Variants in RUNX1 observed in about 807,000 individuals in gnomAD.
RUNX1 encodes RUNX family transcription factor 1, also known as runt-related transcription factor 1.
In RUNX1, 19 loss-of-function variants were observed where a neutral mutation model predicts 42.8. The ratio of observed to expected loss-of-function variants is 0.44; its 90% CI spans 0.31 to 0.65. The LOEUF (loss-of-function observed/expected upper bound fraction) is 0.65, where lower values mean the gene tolerates loss of function less well. RUNX1 is among the 30% of genes least tolerant of loss of function. RUNX1 has a pLI of 0.07. For synonymous variants in RUNX1, 271 were observed against 289.4 expected, an observed-to-expected ratio of 0.94 and a Z score of 0.64; for missense variants, 528 against 672.0, an observed-to-expected ratio of 0.79 and a Z score of 2.37.
intron 2 of RUNX1, among the ~76,000 whole-genome samples, chr21:34,964,069 G>A (rs372925739): frequency 6.6e-6 from 1 of 152,188 alleles, no homozygotes; most frequent in South Asian, 2.1e-4. Flanking sequence ...CAGCCACTGC[G>A]ATAAGGGTCT....
intron 2 of RUNX1, among the ~76,000 whole-genome samples, chr21:34,971,286 C>G (rs1332078110): frequency 1.3e-5 from 2 of 152,094 alleles, no homozygotes; most frequent in Non-Finnish European, 2.9e-5. Flanking sequence ...AAAGATATAG[C>G]ATGTAACTTA....
At chr21:34,887,270 G>A (rs999236176) in intron 3 of RUNX1, 174 bp from the exon 4 acceptor site, 6 of 1,415,112 alleles carry the variant, frequency 4.2e-6, no homozygotes, top group Non-Finnish European at 5.6e-6. Context: ...GTTAGGGGAG[G>A]AGGGAGACTA....
intron 2 of RUNX1, among the ~76,000 whole-genome samples, chr21:34,973,712 C>A (rs1693852751): frequency 6.6e-6 from 1 of 152,184 alleles, no homozygotes; most frequent in Admixed American, 6.5e-5. Context: ...TTATATTAAA[C>A]CTTATTCCCA....
chr21:34,914,885 A>T (rs1362016647), intron 2 of RUNX1, among the ~76,000 whole-genome samples: 1 of 152,214 alleles, frequency 6.6e-6, no homozygotes, highest in East Asian at 1.9e-4. Flanking sequence ...CATTCATTGC[A>T]TGTCCTTCAA....
At chr21:34,854,910 T>C (rs970748582) in intron 6 of RUNX1, among the ~76,000 whole-genome samples, 3 of 152,290 alleles carry the variant, frequency 2.0e-5, no homozygotes, top group East Asian at 3.9e-4. Context: ...GGGTTACACC[T>C]TTCCAAAATT....
At chr21:34,950,301 A>C (rs2146665955) in intron 2 of RUNX1, among the ~76,000 whole-genome samples, 1 of 152,368 alleles carries the variant, frequency 6.6e-6, no homozygotes, top group Non-Finnish European at 1.5e-5. Flanking sequence ...AAATTATATT[A>C]TAAATAACAG....
At chr21:35,040,114 A>G (rs1362441666) in intron 2 of RUNX1, among the ~76,000 whole-genome samples, 1 of 152,218 alleles carries the variant, frequency 6.6e-6, no homozygotes, top group African/African-American at 2.4e-5. Flanking sequence ...TATGAATTCT[A>G]TACTTTCAAA....
chr21:34,849,481 TTA>T (rs558628264), intron 6 of RUNX1, among the ~76,000 whole-genome samples: 8 of 97,414 alleles, frequency 8.2e-5, no homozygotes, highest in African/African-American at 2.4e-4. Flanking sequence ...ATAATATATA[TTA>T]TATATATATA....
chr21:35,029,998 C>T (rs538018719), intron 2 of RUNX1, among the ~76,000 whole-genome samples: 2 of 152,330 alleles, frequency 1.3e-5, no homozygotes, highest in Admixed American at 6.5e-5. Context: ...TGTCTCCAGA[C>T]AGTGCCAAAT....
At chr21:34,991,573 A>G (rs1601644210) in intron 2 of RUNX1, among the ~76,000 whole-genome samples, 2 of 141,592 alleles carry the variant, frequency 1.4e-5, no homozygotes, top group Non-Finnish European at 3.1e-5. Flanking sequence ...GATGATGATG[A>G]TGGTGATGAT....
intron 2 of RUNX1, among the ~76,000 whole-genome samples, chr21:34,948,237 G>C (rs2058580177): frequency 1.3e-5 from 2 of 151,936 alleles, no homozygotes; most frequent in Non-Finnish European, 2.9e-5. Context: ...AATAGCAACG[G>C]CAACACCTCT....
intron 6 of RUNX1, among the ~76,000 whole-genome samples, chr21:34,841,583 G>A (rs1373372376): frequency 2.6e-5 from 4 of 152,140 alleles, no homozygotes; most frequent in Non-Finnish European, 5.9e-5. Context: ...CCTCCTACTT[G>A]AAACTAGAAG....
chr21:34,797,947 G>T (rs893663518), intron 8 of RUNX1: 2 of 447,214 alleles, frequency 4.5e-6, no homozygotes. Flanking sequence ...AATATTCTCC[G>T]ATGCTCAGGA....
At chr21:35,043,631 T>C (rs1188118826) in intron 2 of RUNX1, among the ~76,000 whole-genome samples, 1 of 152,222 alleles carries the variant, frequency 6.6e-6, no homozygotes, top group Non-Finnish European at 1.5e-5. Context: ...AACTTGGTAA[T>C]TTAGATGCAA....
chr21:35,001,490 A>G (rs2059043548), intron 2 of RUNX1, among the ~76,000 whole-genome samples: 1 of 152,150 alleles, frequency 6.6e-6, no homozygotes, highest in South Asian at 2.1e-4. Flanking sequence ...TAGGAGTAGA[A>G]GAAAACTTCA....
chr21:34,795,606 GA>G (rs1227061096), intron 8 of RUNX1, among the ~76,000 whole-genome samples: 1 of 152,166 alleles, frequency 6.6e-6, no homozygotes, highest in East Asian at 1.9e-4. Flanking sequence ...TGTGGGCAGG[GA>G]AAACGTTGTA....
intron 2 of RUNX1, among the ~76,000 whole-genome samples, chr21:35,037,475 G>C (rs1441331755): frequency 6.6e-6 from 1 of 152,200 alleles, no homozygotes; most frequent in South Asian, 2.1e-4. Flanking sequence ...ACCCCACAGC[G>C]TCGCCTCCTG....
intron 2 of RUNX1, among the ~76,000 whole-genome samples, chr21:34,978,980 A>ACACACACACACACACACAC (rs1601630263): frequency 4.0e-5 from 6 of 149,108 alleles, no homozygotes; most frequent in Non-Finnish European, 6.0e-5. Context: ...ACACACACAC[A>ACACACACACACACACACAC]GCATCTTTGT....
chr21:34,895,209 G>A (rs1239382290), intron 2 of RUNX1, among the ~76,000 whole-genome samples: 1 of 152,128 alleles, frequency 6.6e-6, no homozygotes, highest in Admixed American at 6.5e-5. Context: ...CTTTTATATT[G>A]ATAATAATAT....
Sources: allele counts gnomAD v4.1 joint callset (sites outside exome capture counted in the v4.1 genomes callset), GRCh38; gene constraint gnomAD v4.1.1; transcripts MANE v1.5; gene names NCBI Gene and HGNC (gene_info 2026-07-23, HGNC 2026-07-21).